Variants in SPAG16 observed in about 807,000 individuals in gnomAD.
SPAG16 encodes the protein sperm-associated antigen 16 protein.
In SPAG16, 86 loss-of-function variants were observed where a neutral mutation model predicts 80.4. The ratio of observed to expected loss-of-function variants is 1.07; its 90% CI spans 0.90 to 1.28. The LOEUF is 1.28. Ranked by LOEUF, SPAG16 falls within the 50% of genes most tolerant of loss-of-function variation. The pLI is 0.00. For synonymous variants in SPAG16, 294 were observed against 265.9 expected, an observed-to-expected ratio of 1.11 and a Z score of -1.03; for missense variants, 870 against 765.3, an observed-to-expected ratio of 1.14 and a Z score of -1.61.
intron 13 of SPAG16, among the ~76,000 whole-genome samples, chr2:214,079,551 A>G (rs1319700715): frequency 1.3e-5 from 2 of 152,236 alleles, no homozygotes; most frequent in Non-Finnish European, 2.9e-5. Flanking sequence ...CTTAATCATC[A>G]TGTTAAAATT....
chr2:213,284,904 G>T (rs543347776), intron 1 of SPAG16, among the ~76,000 whole-genome samples: 1 of 152,294 alleles, frequency 6.6e-6, no homozygotes, highest in Admixed American at 6.5e-5. Context: ...ATGGAGGGTT[G>T]CTTTTTATGT....
chr2:213,524,211 C>T (rs557005421), intron 10 of SPAG16, among the ~76,000 whole-genome samples: 1 of 152,302 alleles, frequency 6.6e-6, no homozygotes, highest in African/African-American at 2.4e-5. Flanking sequence ...CAAGCCCAAG[C>T]CTTGGCAGCT....
intron 13 of SPAG16, among the ~76,000 whole-genome samples, chr2:214,089,315 A>G (rs529105915): frequency 6.6e-6 from 1 of 152,256 alleles, no homozygotes; most frequent in African/African-American, 2.4e-5. Flanking sequence ...AATTTCCTCA[A>G]CAGGGTATTT....
rs780580260 is a variant in SPAG16, at chr2:214,149,309, A to T, written c.1720+43A>T. On this transcript the variant is annotated intron_variant, in intron 15 of 15. Transcript: ENST00000331683. ...TAATGTTTCTGACTAAGCCAATAAC[A>T]TTAATATTTGTTCTGAAACTATTTT... 3.5e-6 allele frequency: 5 copies of T among 1,427,192 alleles called. No homozygotes were observed. The South Asian group carries it at 6.0e-5, about 17-fold the overall frequency. The allele number at this position is 1,427,192 out of a possible 1,614,324, so 88.4% of individuals were successfully genotyped here.
chr2:213,544,152 C>A (rs932539605), intron 10 of SPAG16, among the ~76,000 whole-genome samples: 1 of 151,064 alleles, frequency 6.6e-6, no homozygotes, highest in African/African-American at 2.4e-5. Context: ...ATCCTTTTTT[C>A]TTCTATATGG....
intron 15 of SPAG16, among the ~76,000 whole-genome samples, chr2:214,181,925 A>G (rs2057320058): frequency 6.6e-6 from 1 of 151,796 alleles, no homozygotes; most frequent in South Asian, 2.1e-4. Context: ...TCACAACTGC[A>G]TGCTGTTAAA....
At chr2:213,345,884 G>A (rs2064954146) in intron 6 of SPAG16, among the ~76,000 whole-genome samples, 1 of 152,116 alleles carries the variant, frequency 6.6e-6, no homozygotes, top group South Asian at 2.1e-4. Context: ...GGATCCATAT[G>A]AACTTTAAAG....
chr2:213,722,113 AT>A (rs1429653415), intron 10 of SPAG16, among the ~76,000 whole-genome samples: 61 of 152,336 alleles, frequency 4.0e-4, no homozygotes. Context: ...AATGAAACTA[AT>A]TATAGTCTAA....
chr2:213,388,493 G>A (rs2067567308), intron 9 of SPAG16, among the ~76,000 whole-genome samples: 1 of 152,198 alleles, frequency 6.6e-6, no homozygotes, highest in Admixed American at 6.5e-5. Flanking sequence ...CCTGGGGATA[G>A]GTGGAGGCTC....
At chr2:213,943,188 T>C (rs2079284773) in intron 12 of SPAG16, among the ~76,000 whole-genome samples, 1 of 152,158 alleles carries the variant, frequency 6.6e-6, no homozygotes, top group Non-Finnish European at 1.5e-5. Context: ...CTGACTAAGA[T>C]AGAAATTGGT....
intron 9 of SPAG16, among the ~76,000 whole-genome samples, chr2:213,444,193 T>A (rs2071159343): frequency 6.6e-6 from 1 of 152,186 alleles, no homozygotes; most frequent in African/African-American, 2.4e-5. Context: ...ACTGTAAACC[T>A]TGGGGCTCTG....
At chr2:213,707,527 T>C (rs890184393) in intron 10 of SPAG16, among the ~76,000 whole-genome samples, 7 of 152,198 alleles carry the variant, frequency 4.6e-5, no homozygotes, top group Admixed American at 4.6e-4. Flanking sequence ...TTTATTGCAC[T>C]TACTTTTTTA....
chr2:214,021,254 C>T (rs538086460), intron 13 of SPAG16, among the ~76,000 whole-genome samples: 1 of 152,092 alleles, frequency 6.6e-6, no homozygotes, highest in South Asian at 2.1e-4. Context: ...TATAAAGATC[C>T]TAATCATCAA....
At chr2:214,369,957 C>A (rs1699708303) in intron 15 of SPAG16, among the ~76,000 whole-genome samples, 1 of 152,132 alleles carries the variant, frequency 6.6e-6, no homozygotes, top group South Asian at 2.1e-4. Flanking sequence ...ATTTCTACCC[C>A]TCACCTCAGT....
At chr2:214,347,750 C>A (rs1698150085) in intron 15 of SPAG16, among the ~76,000 whole-genome samples, 1 of 151,888 alleles carries the variant, frequency 6.6e-6, no homozygotes, top group African/African-American at 2.4e-5. Context: ...ATATAAGCAA[C>A]CTAAAGGAAT....
intron 13 of SPAG16, among the ~76,000 whole-genome samples, chr2:214,014,370 G>C (rs566763116): frequency 6.6e-6 from 1 of 152,308 alleles, no homozygotes; most frequent in African/African-American, 2.4e-5. Flanking sequence ...TACACACTGT[G>C]CCCCCTCCTT....
At position 213,321,364 on chromosome 2, in the gene SPAG16, T is replaced by C. The variant is rs368507288; in HGVS notation, c.536+4008T>C. 3.9e-5 allele frequency among the ~76,000 whole-genome samples: 6 copies of C among 152,168 alleles called. No individual in the cohort carries two copies. The East Asian group carries it at 1.2e-3, about 29-fold the overall frequency. ...TTATTAACTCAGTTTATTGAATTAC[T>C]CCCAGTTTTCTTATTAACCTGGGAA... On this transcript the variant is annotated intron_variant, in intron 5 of 15. Coordinates refer to ENST00000331683, the MANE Select transcript of SPAG16 (RefSeq NM_024532.5).
intron 10 of SPAG16, among the ~76,000 whole-genome samples, chr2:213,791,953 CTGAG>C (rs1225561402): frequency 6.6e-6 from 1 of 152,154 alleles, no homozygotes; most frequent in African/African-American, 2.4e-5. Context: ...ATATTAAAGA[CTGAG>C]TATTTTGCAA....
intron 10 of SPAG16, among the ~76,000 whole-genome samples, chr2:213,639,464 T>A (rs762033906): frequency 6.6e-6 from 1 of 152,190 alleles, no homozygotes; most frequent in South Asian, 2.1e-4. Context: ...TCAGCATTTG[T>A]TTGTGTGAAA....
Sources: allele counts gnomAD v4.1 joint callset (sites outside exome capture counted in the v4.1 genomes callset), GRCh38; gene constraint gnomAD v4.1.1; transcripts MANE v1.5; gene names NCBI Gene and HGNC (gene_info 2026-07-23, HGNC 2026-07-21).